The following CHRNB1 variants were observed in gnomAD, a reference collection of about 807,000 sequenced individuals.
The protein encoded by CHRNB1 is acetylcholine receptor subunit beta.
Under a neutral mutation model 53.8 loss-of-function variants are expected in CHRNB1, and 47 were observed. That is an observed-to-expected ratio of 0.87 (90% confidence interval 0.69 to 1.11). CHRNB1 has a LOEUF of 1.11. Among genes scored for constraint, CHRNB1 ranks in the 50% most tolerant of loss-of-function variants. CHRNB1 has a pLI of 0.00. For missense variants in CHRNB1, 605 were observed against 654.9 expected (o/e 0.92, Z 0.83); for synonymous variants, 259 against 263.5 (o/e 0.98, Z 0.16).
chr17:7,449,720 C>A (rs1449468194), intron 7 of CHRNB1, among the ~76,000 whole-genome samples: 2 of 151,716 alleles, frequency 1.3e-5, no homozygotes, highest in Non-Finnish European at 2.9e-5. Flanking sequence ...CCCACTAGTC[C>A]TTTAACCTCC....
Position 7,445,931 on chromosome 17 carries a change from C to A in CHRNB1, c.199-138C>A. The A allele has an allele frequency of 1.3e-6, 1 of 775,900 alleles. No homozygotes were observed. The highest frequency in any genetic ancestry group is 2.3e-6 in the Non-Finnish European group (1 of 435,796). 48.1% of individuals were successfully genotyped at this position (775,900 alleles called of 1,614,324 possible). ...GGCAGGTCTTAAACTAACGCCGCTTCTGGGAGGTGGACTTGGACCCGAGAG... is the reference window on the plus strand; with the variant it reads ...GGCAGGTCTTAAACTAACGCCGCTTATGGGAGGTGGACTTGGACCCGAGAG... On this transcript the variant is annotated intron_variant, in intron 2 of 10. Transcript: ENST00000306071. The surrounding 1 kb of genome is among the most constrained non-coding windows in gnomAD (Gnocchi z 5.7).
intron 6 of CHRNB1, 59 bp from the exon 7 acceptor site, chr17:7,448,520 C>A: frequency 6.4e-7 from 1 of 1,556,266 alleles, no homozygotes; most frequent in Non-Finnish European, 8.8e-7. Context: ...GCAAGCCATA[C>A]CTGGCACTAA....
intron 7 of CHRNB1, among the ~76,000 whole-genome samples, chr17:7,453,737 G>A (rs1057440656): frequency 2.0e-5 from 3 of 151,692 alleles, no homozygotes; most frequent in African/African-American, 7.3e-5. Flanking sequence ...ACAAGCATGC[G>A]CCATTGTGCC....
In CHRNB1 at chr17:7,455,809, G is replaced by A. The variant is rs2150843295; in HGVS notation, c.1233G>A (p.Leu411=). 4.3e-6 allele frequency: 7 copies of A among 1,614,162 alleles called. No individual in the cohort carries two copies. The highest frequency in any genetic ancestry group is 5.9e-6 in the Non-Finnish European group (7 of 1,180,040). Reference sequence around the variant, plus strand: ...CCTCTTCCAGGTTCCAGCCTGAACTGTCTGCCCCTGATCTGCGGCGATTTA... The same window carrying A: ...CCTCTTCCAGGTTCCAGCCTGAACTATCTGCCCCTGATCTGCGGCGATTTA... ...FPKPNRFQPE[L]SAPDLRRFID... is the part of the protein sequence containing the mutation. Residue 411 remains leucine, a synonymous_variant, in exon 10 of 11, where the codon CTG becomes CTA. Transcript: ENST00000306071.
At chr17:7,454,110 T>C (rs1418195964) in intron 7 of CHRNB1, among the ~76,000 whole-genome samples, 187 bp from the exon 8 acceptor site, 1 of 152,094 alleles carries the variant, frequency 6.6e-6, no homozygotes, top group Non-Finnish European at 1.5e-5. Context: ...CAGGCTGGTC[T>C]GAAACTCCTG....
rs1908560798 is a variant in CHRNB1 at position 7,445,379 on chromosome 17, T to A, written c.168T>A (p.Val56=). 6.2e-7 allele frequency: 1 copy of A among 1,612,404 alleles called. No individual in the cohort carries two copies. The highest frequency in any genetic ancestry group is 1.3e-5 in the African/African-American group (1 of 74,810). The stretch of plus-strand genomic sequence containing the variant: ...TGGGAGACCGTGTCAGGGTCAGCGT[T>A]GGTCTCATCCTGGCGCAACTCATCA... The part of the protein sequence containing the change: ...REVGDRVRVS[V]GLILAQLISL... Residue 56 remains valine, a synonymous_variant, in exon 2 of 11, where the codon GTT becomes GTA. Coordinates refer to ENST00000306071, the MANE Select transcript of CHRNB1 (RefSeq NM_000747.3). This position sits in a 1 kb window ranked among gnomAD's most constrained non-coding sequence, Gnocchi z 5.7.
At chr17:7,449,783 G>C (rs999114581) in intron 7 of CHRNB1, among the ~76,000 whole-genome samples, 1 of 151,822 alleles carries the variant, frequency 6.6e-6, no homozygotes. Context: ...GGTGGCTCAC[G>C]CCTGTAATCC....
At position 7,456,758 on chromosome 17, in the gene CHRNB1, T is replaced by C. The variant is rs752487148; in HGVS notation, c.*35T>C. 15 of 1,613,794 alleles carry C rather than the reference T, an allele frequency of 9.3e-6. No homozygotes were observed. The highest frequency in any genetic ancestry group is 3.3e-5 in the South Asian group (3 of 91,068). ...GGTTGAGACCCAGGCCCCCTGCCAGTTGAAGTGAGAGTTTGGTGATACTGT... is the reference window on the plus strand; with the variant it reads ...GGTTGAGACCCAGGCCCCCTGCCAGCTGAAGTGAGAGTTTGGTGATACTGT... On this transcript the variant is annotated 3_prime_UTR_variant, in exon 11 of 11. Transcript: ENST00000306071.
intron 9 of CHRNB1, 27 bp downstream of exon 9, chr17:7,455,483 A>C: frequency 1.2e-6 from 2 of 1,612,320 alleles, no homozygotes; most frequent in Non-Finnish European, 1.7e-6. Flanking sequence ...TACCCACATA[A>C]GAGGGAGAGG....
intron 10 of CHRNB1, 124 bp downstream of exon 10, chr17:7,456,065 T>C: frequency 1.6e-6 from 1 of 617,568 alleles, no homozygotes; most frequent in Non-Finnish European, 2.7e-6. Context: ...TTTTTTTTTT[T>C]TTTTTTTGAG....
chr17:7,456,456 T>A, intron 10 of CHRNB1, 127 bp from the exon 11 acceptor site: 6 of 1,213,688 alleles, frequency 4.9e-6, no homozygotes, highest in Non-Finnish European at 7.3e-6. Flanking sequence ...GCTCTCCTGT[T>A]GGCGCTGCCG....
At chr17:7,449,564 T>A (rs541140683) in intron 7 of CHRNB1, among the ~76,000 whole-genome samples, 148 of 151,916 alleles carry the variant, frequency 9.7e-4, no homozygotes, top group Admixed American at 8.5e-3. Flanking sequence ...CCCACAATCA[T>A]GCCCAGCTGA....
At position 7,445,470 on chromosome 17, in the gene CHRNB1, C is replaced by G. The variant is rs1908568336; in HGVS notation, c.198+61C>G. On this transcript the variant is annotated intron_variant, in intron 2 of 10. Transcript: ENST00000306071. The surrounding 1 kb of genome is among the most constrained non-coding windows in gnomAD (Gnocchi z 5.7). ...GACCGGCCGGGGGCGTGGCTTTAGG[C>G]AAGGCCGGACCAGGGACAGGCTGGG... 1 of 1,588,346 alleles carries G rather than the reference C, an allele frequency of 6.3e-7. No individual in the cohort carries two copies. Among genetic ancestry groups the G allele is most frequent in the South Asian group, 1.1e-5 (1 of 89,002 alleles).
intron 10 of CHRNB1, 111 bp downstream of exon 10, chr17:7,456,052 T>A: frequency 4.3e-6 from 1 of 235,024 alleles, no homozygotes; most frequent in Non-Finnish European, 8.3e-6. Flanking sequence ...TTTTTGGCTT[T>A]TTTTTTTTTT....
intron 7 of CHRNB1, 84 bp downstream of exon 7, chr17:7,448,872 C>A (rs1908773217): frequency 1.4e-6 from 2 of 1,444,712 alleles, no homozygotes; most frequent in Non-Finnish European, 1.9e-6. Flanking sequence ...GGTTTTCCTG[C>A]CAATCCAAAG....
Position 7,455,274 on chromosome 17 carries a change from T to C in CHRNB1, c.1045-10T>C, listed in dbSNP as rs753963175. 4 of 1,613,900 alleles carry C rather than the reference T, an allele frequency of 2.5e-6. No individual in the cohort carries two copies. The African/African-American group carries it at 5.3e-5, about 22-fold the overall frequency. On this transcript the variant is annotated splice_polypyrimidine_tract_variant and intron_variant, in intron 8 of 10. Transcript: ENST00000306071. ...AAAGCCCCCACCAATACGCCTCTTC[T>C]ACTCTGCAGATCTTCATTCACAAAC...
In CHRNB1 at chr17:7,446,898, C is replaced by T. The variant is rs370657868; in HGVS notation, c.309C>T (p.Ile103=). The T allele has an allele frequency of 1.9e-6, 3 of 1,614,002 alleles. No individual in the cohort carries two copies. In the South Asian group the frequency reaches 3.3e-5, roughly 18 times the overall value. The change falls in exon 4 of 11, where the codon ATC becomes ATT. Residue 103 remains isoleucine (I), a synonymous_variant. Coordinates refer to ENST00000306071, the MANE Select transcript of CHRNB1 (RefSeq NM_000747.3). ...AEHDGIDSLR[I]TAESVWLPDV... is the part of the protein sequence containing the mutation. ...ACGACGGCATCGATTCGCTCCGCAT[C>T]ACGGCGGAATCCGTGTGGCTCCCTG...
At position 7,448,654 on chromosome 17, in the gene CHRNB1, A is replaced by G; in HGVS notation, c.686A>G (p.Glu229Gly). ...CCAGGCGATCCTAGGGGAGGGAGGG[A>G]AGGACAGCGCCAGGAAGTCATCTTC... ...QPPGDPRGGR[E>G]GQRQEVIFYL... The change falls in exon 7 of 11, where the codon GAA (glutamate) becomes GGA (glycine). Residue 229 changes from glutamate to glycine, a missense_variant. By Grantham distance (98) the Glu-to-Gly change is moderately conservative. Coordinates refer to ENST00000306071, the MANE Select transcript of CHRNB1 (RefSeq NM_000747.3). 2 of 1,614,048 alleles carry G rather than the reference A, an allele frequency of 1.2e-6. No homozygotes were observed. Among genetic ancestry groups the G allele is most frequent in the East Asian group, 4.5e-5 (2 of 44,878 alleles).
intron 10 of CHRNB1, among the ~76,000 whole-genome samples, 192 bp downstream of exon 10, chr17:7,456,133 C>T (rs2069948795): frequency 6.8e-6 from 1 of 146,518 alleles, no homozygotes. Context: ...CGGCTCACTG[C>T]AACCTCCGCC....
Sources: allele counts gnomAD v4.1 joint callset (sites outside exome capture counted in the v4.1 genomes callset), GRCh38; gene constraint gnomAD v4.1.1; non-coding constraint Gnocchi (gnomAD v3.1); transcripts MANE v1.5; gene names NCBI Gene and HGNC (gene_info 2026-07-23, HGNC 2026-07-21).